The following TASP1 variants were observed in gnomAD, a reference collection of about 807,000 sequenced individuals.
TASP1 encodes the protein threonine aspartase 1.
In TASP1, 16 loss-of-function variants were observed where a neutral mutation model predicts 56.6. The observed-to-expected ratio is 0.28, with a 90% CI of 0.19 to 0.43. TASP1 has a LOEUF of 0.43. Ranked by LOEUF, TASP1 falls within the 20% of genes least tolerant of loss-of-function variation. TASP1 has a pLI of 1.00. For synonymous variants in TASP1, 179 were observed against 184.2 expected (o/e 0.97, Z 0.23); for missense variants, 393 against 511.6 (o/e 0.77, Z 2.24).
chr20:13,160,804 C>T, the TASP1 span, among the ~76,000 whole-genome samples: 2 of 152,128 alleles, frequency 1.3e-5, no homozygotes, highest in South Asian at 4.2e-4. Flanking sequence ...TAATACCAGA[C>T]AGAATGAATG....
chr20:13,354,531 T>C, the TASP1 span, among the ~76,000 whole-genome samples: 1 of 152,180 alleles, frequency 6.6e-6, no homozygotes, highest in Non-Finnish European at 1.5e-5. Context: ...ACAGACAAAT[T>C]ACAAATAATT....
chr20:13,160,052 G>A, the TASP1 span: 1 of 1,613,590 alleles, frequency 6.2e-7, no homozygotes, highest in Admixed American at 1.7e-5. Flanking sequence ...GGTGGTCGTG[G>A]GATTTCCAGC....
intron 10 of TASP1, among the ~76,000 whole-genome samples, chr20:13,521,191 T>G (rs1322105518): frequency 1.3e-5 from 2 of 152,128 alleles, no homozygotes; most frequent in Non-Finnish European, 2.9e-5. Context: ...GTAAACTAGT[T>G]CAACCATTGT....
At chr20:13,267,941 C>T in the TASP1 span, among the ~76,000 whole-genome samples, 1 of 152,196 alleles carries the variant, frequency 6.6e-6, no homozygotes, top group Non-Finnish European at 1.5e-5. Flanking sequence ...AAATCCTGCA[C>T]AAGAAATTCT....
chr20:13,500,681 C>T (rs1426986713), intron 10 of TASP1, among the ~76,000 whole-genome samples: 1 of 151,890 alleles, frequency 6.6e-6, no homozygotes, highest in East Asian at 1.9e-4. Context: ...ACAAAAGGAT[C>T]ATTGAACTTG....
chr20:13,110,533 G>A, the TASP1 span, among the ~76,000 whole-genome samples: 3 of 152,094 alleles, frequency 2.0e-5, no homozygotes, highest in Non-Finnish European at 2.9e-5. Context: ...AAGGCGTTTC[G>A]CAGCTGGGTT....
At chr20:13,247,729 A>G in the TASP1 span, among the ~76,000 whole-genome samples, 1 of 152,176 alleles carries the variant, frequency 6.6e-6, no homozygotes, top group Admixed American at 6.5e-5. Flanking sequence ...TTCATAAAGG[A>G]GAGGAAACCT....
At chr20:13,365,715 G>A in the TASP1 span, among the ~76,000 whole-genome samples, 1 of 152,224 alleles carries the variant, frequency 6.6e-6, no homozygotes, top group Non-Finnish European at 1.5e-5. Flanking sequence ...CCCGGGCCAT[G>A]GAAGATCTTG....
intron 1 of TASP1, among the ~76,000 whole-genome samples, chr20:13,634,724 C>T (rs905441243): frequency 1.5e-5 from 2 of 137,370 alleles, no homozygotes; most frequent in East Asian, 4.3e-4. Flanking sequence ...AGGGAAACTC[C>T]GTCCAAAAAA....
chr20:13,470,253 T>C (rs1241526505), intron 11 of TASP1, among the ~76,000 whole-genome samples: 1 of 152,012 alleles, frequency 6.6e-6, no homozygotes, highest in Non-Finnish European at 1.5e-5. Context: ...AAGCCTCAAT[T>C]TAAAAAGGGG....
chr20:13,393,252 A>G, intron 13 of TASP1: 2 of 739,832 alleles, frequency 2.7e-6, no homozygotes, highest in East Asian at 2.8e-5. Flanking sequence ...CCCCTCCGGG[A>G]AACTGTGGCA....
chr20:13,208,426 C>T, the TASP1 span, among the ~76,000 whole-genome samples: 3 of 152,324 alleles, frequency 2.0e-5, no homozygotes, highest in African/African-American at 7.2e-5. Flanking sequence ...TTGCCTTCCT[C>T]ACCACACTTA....
chr20:13,428,669 T>A (rs2042698235), intron 12 of TASP1, among the ~76,000 whole-genome samples: 1 of 152,190 alleles, frequency 6.6e-6, no homozygotes, highest in Non-Finnish European at 1.5e-5. Flanking sequence ...GTTGCAAACA[T>A]GTTCACATCC....
intron 10 of TASP1, among the ~76,000 whole-genome samples, chr20:13,511,452 T>C (rs2044322670): frequency 6.6e-6 from 1 of 152,164 alleles, no homozygotes; most frequent in Non-Finnish European, 1.5e-5. Flanking sequence ...TGTGCTGTAA[T>C]TTCCGTTAAC....
chr20:13,552,526 C>T (rs902981986), intron 8 of TASP1, among the ~76,000 whole-genome samples: 4 of 152,126 alleles, frequency 2.6e-5, no homozygotes, highest in African/African-American at 9.7e-5. Context: ...GACAGAGGAA[C>T]TTACTAAAGA....
At chr20:13,320,076 G>A in the TASP1 span, among the ~76,000 whole-genome samples, 6 of 152,212 alleles carry the variant, frequency 3.9e-5, no homozygotes, top group Non-Finnish European at 8.8e-5. Flanking sequence ...TACACCAGGT[G>A]AAGTTGTAGA....
At chr20:13,228,257 G>A in the TASP1 span, among the ~76,000 whole-genome samples, 1 of 151,980 alleles carries the variant, frequency 6.6e-6, no homozygotes, top group Non-Finnish European at 1.5e-5. Context: ...ACAGGTGTGA[G>A]CCACTGTGCC....
chr20:13,523,324 T>C (rs1050063133), intron 10 of TASP1, among the ~76,000 whole-genome samples: 1 of 152,188 alleles, frequency 6.6e-6, no homozygotes, highest in Non-Finnish European at 1.5e-5. Flanking sequence ...GATTCCTGCC[T>C]GCCTTCCACA....
At chr20:13,184,728 C>T in the TASP1 span, among the ~76,000 whole-genome samples, 2 of 152,170 alleles carry the variant, frequency 1.3e-5, no homozygotes, top group African/African-American at 2.4e-5. Flanking sequence ...TGTCTTCCCA[C>T]ACTTCTGCTT....
Sources: gnomAD v4.1 joint callset for allele counts (sites outside exome capture counted in the v4.1 genomes callset) on GRCh38, gnomAD v4.1.1 for gene constraint, MANE v1.5 for transcripts, NCBI Gene and HGNC (gene_info 2026-07-23, HGNC 2026-07-21) for gene names.